LGSN: variants seen among roughly 807,000 people sequenced by gnomAD.
LGSN encodes lengsin, lens protein with glutamine synthetase domain, also known as lengsin.
In LGSN, 21 loss-of-function variants were observed where a neutral mutation model predicts 19.5. That is an observed-to-expected ratio of 1.07 (90% CI 0.76 to 1.55). The LOEUF (loss-of-function observed/expected upper bound fraction) is 1.55. Among genes scored for constraint, LGSN ranks in the 40% most tolerant of loss-of-function variants. The probability of loss-of-function intolerance (pLI) is 0.00; values close to 1 mark genes in which losing one functional copy is unlikely to be tolerated. For synonymous variants in LGSN, 257 were observed against 215.6 expected, an observed-to-expected ratio of 1.19 and a Z score of -1.68; for missense variants, 673 against 608.5, an observed-to-expected ratio of 1.11 and a Z score of -1.12.
At chr6:63,351,842 T>C in the LGSN span, among the ~76,000 whole-genome samples, 1 of 152,202 alleles carries the variant, frequency 6.6e-6, no homozygotes, top group Admixed American at 6.5e-5. Context: ...AGACTAATAA[T>C]TTTTTAAATG....
At chr6:63,526,462 A>G in the LGSN span, among the ~76,000 whole-genome samples, 7 of 152,060 alleles carry the variant, frequency 4.6e-5, no homozygotes, top group East Asian at 1.4e-3. Context: ...CCAGTTCAAC[A>G]GAGAGGAAGA....
the LGSN span, among the ~76,000 whole-genome samples, chr6:63,537,852 C>T: frequency 6.3e-3 from 952 of 152,236 alleles, 8 homozygotes; most frequent in South Asian, 0.033. Context: ...AAGAATCTGG[C>T]GAAAGGGCCA....
At chr6:63,564,851 G>C in the LGSN span, among the ~76,000 whole-genome samples, 1 of 152,132 alleles carries the variant, frequency 6.6e-6, no homozygotes, top group African/African-American at 2.4e-5. Context: ...AATAAGAAGA[G>C]TCTTCTCAAA....
chr6:63,321,163 G>T (rs1769067608), upstream of LGSN, among the ~76,000 whole-genome samples: 1 of 152,116 alleles, frequency 6.6e-6, no homozygotes, highest in South Asian at 2.1e-4. Context: ...CTCTAGTAGG[G>T]TGTTTAATTC....
the LGSN span, among the ~76,000 whole-genome samples, chr6:63,332,374 G>A: frequency 2.6e-5 from 4 of 152,298 alleles, no homozygotes; most frequent in East Asian, 7.7e-4. Flanking sequence ...GCAAGGGTCA[G>A]GATAGATAGT....
the LGSN span, among the ~76,000 whole-genome samples, chr6:63,486,820 T>TTTATTATTA: frequency 9.6e-4 from 140 of 146,198 alleles, no homozygotes; most frequent in African/African-American, 2.7e-3. Flanking sequence ...GTATGTTTAT[T>TTTATTATTA]TTATTATTAT....
the LGSN span, among the ~76,000 whole-genome samples, chr6:63,511,411 G>A: frequency 5.9e-5 from 9 of 151,792 alleles, no homozygotes; most frequent in Non-Finnish European, 1.0e-4. Context: ...GCACCACCAC[G>A]CCCAGCTAAT....
the LGSN span, among the ~76,000 whole-genome samples, chr6:63,409,852 A>G: frequency 3.3e-4 from 51 of 152,286 alleles, no homozygotes; most frequent in South Asian, 1.7e-3. Context: ...CCTGGCCAAC[A>G]TGGCGAAACC....
the LGSN span, among the ~76,000 whole-genome samples, chr6:63,383,371 TACAC>T: frequency 0.018 from 2,535 of 139,190 alleles, 21 homozygotes; most frequent in Middle Eastern, 0.044. Context: ...AACCATTACT[TACAC>T]ACACACACAC....
At chr6:63,387,762 T>C in the LGSN span, among the ~76,000 whole-genome samples, 1 of 152,158 alleles carries the variant, frequency 6.6e-6, no homozygotes, top group Non-Finnish European at 1.5e-5. Context: ...CTCATGATCA[T>C]TGCAGCCTCA....
At chr6:63,566,343 G>A in the LGSN span, among the ~76,000 whole-genome samples, 2 of 152,222 alleles carry the variant, frequency 1.3e-5, no homozygotes, top group Non-Finnish European at 2.9e-5. Context: ...CTGTAGCCAG[G>A]GGGTGAGGGG....
the LGSN span, among the ~76,000 whole-genome samples, chr6:63,461,916 G>T: frequency 5.3e-5 from 8 of 152,118 alleles, no homozygotes; most frequent in Non-Finnish European, 1.2e-4. Context: ...TATCATCTAA[G>T]TATGAACATA....
the LGSN span, among the ~76,000 whole-genome samples, chr6:63,391,734 C>A: frequency 6.6e-6 from 1 of 152,130 alleles, no homozygotes; most frequent in African/African-American, 2.4e-5. Flanking sequence ...GATAGCGAGG[C>A]TTTTAGCTAT....
At chr6:63,504,339 T>C in the LGSN span, among the ~76,000 whole-genome samples, 1 of 152,000 alleles carries the variant, frequency 6.6e-6, no homozygotes, top group Non-Finnish European at 1.5e-5. Context: ...CCTCCCACGT[T>C]CACACCATTC....
At chr6:63,426,048 CT>C in the LGSN span, among the ~76,000 whole-genome samples, 3 of 150,942 alleles carry the variant, frequency 2.0e-5, no homozygotes, top group African/African-American at 2.4e-5. Flanking sequence ...AATTTAAAAA[CT>C]TTTTTTTTAA....
rs934070292 is a variant in LGSN, at chr6:63,277,181, A to G, written c.*2840T>C. ...TTATGCTAATAATGCGAAAGGGGAA[A>G]AAACGGCTTCAAACACTGTGATTAT... On this transcript the variant is annotated 3_prime_UTR_variant, in exon 4 of 4. Transcript: ENST00000370657. 1.4e-4 allele frequency: 22 copies of G among 152,348 alleles called. No homozygotes were observed. The highest frequency in any genetic ancestry group is 4.8e-4 in the African/African-American group (20 of 41,586). 9.4% of individuals were successfully genotyped at this position (152,348 alleles called of 1,614,324 possible).
At chr6:63,353,588 C>CAAAAAAAAAAAAA in the LGSN span, among the ~76,000 whole-genome samples, 7 of 74,166 alleles carry the variant, frequency 9.4e-5, no homozygotes, top group East Asian at 4.0e-4. Context: ...CAGTTTGTAG[C>CAAAAAAAAAAAAA]AAAAAAAAAA....
chr6:63,441,856 G>T, the LGSN span: 2 of 294,572 alleles, frequency 6.8e-6, no homozygotes, highest in East Asian at 1.0e-4. Context: ...TTGCTTGTCA[G>T]GTGACACAGC....
At chr6:63,524,329 G>C in the LGSN span, among the ~76,000 whole-genome samples, 1 of 152,196 alleles carries the variant, frequency 6.6e-6, no homozygotes. Flanking sequence ...AAGAATCCTA[G>C]AGGATATATT....
Sources: gnomAD v4.1 joint callset for allele counts (sites outside exome capture counted in the v4.1 genomes callset) on GRCh38, gnomAD v4.1.1 for gene constraint, MANE v1.5 for transcripts, NCBI Gene and HGNC (gene_info 2026-07-23, HGNC 2026-07-21) for gene names.